The following CTNNA2 variants were observed in gnomAD, a reference collection of about 807,000 sequenced individuals.
CTNNA2 encodes the protein catenin alpha 2.
CTNNA2 carries 42 observed loss-of-function variants against 101.0 expected under a neutral mutation model. That is an observed-to-expected ratio of 0.42 (90% confidence interval 0.32 to 0.54). The LOEUF (loss-of-function observed/expected upper bound fraction) is 0.54, where lower values mean the gene tolerates loss of function less well. Among genes scored for constraint, CTNNA2 ranks in the 20% least tolerant of loss-of-function variants. The pLI, the probability that CTNNA2 is intolerant of heterozygous loss-of-function variation, is 0.14. For synonymous variants in CTNNA2, 450 were observed against 456.4 expected, an observed-to-expected ratio of 0.99 and a Z score of 0.18; for missense variants, 871 against 1,223.1, an observed-to-expected ratio of 0.71 and a Z score of 4.29.
intron 7 of CTNNA2, among the ~76,000 whole-genome samples, chr2:80,112,905 T>G (rs1701304686): frequency 6.6e-6 from 1 of 152,188 alleles, no homozygotes; most frequent in South Asian, 2.1e-4. Flanking sequence ...GCCTCAGTAC[T>G]CCACCCATTA....
At chr2:80,389,636 C>T (rs1163373642) in intron 7 of CTNNA2, among the ~76,000 whole-genome samples, 1 of 152,164 alleles carries the variant, frequency 6.6e-6, no homozygotes, top group Non-Finnish European at 1.5e-5. Context: ...TTCCAAGTTC[C>T]CATTTGCTGT....
At chr2:79,723,774 A>G (rs1294564946) in intron 2 of CTNNA2, among the ~76,000 whole-genome samples, 1 of 151,878 alleles carries the variant, frequency 6.6e-6, no homozygotes. Flanking sequence ...TAATGGTTCG[A>G]TTTTTAGAAC....
chr2:80,555,950 C>T (rs549682687), intron 12 of CTNNA2, 57 bp downstream of exon 12: 2 of 1,158,094 alleles, frequency 1.7e-6, no homozygotes, highest in African/African-American at 1.6e-5. Context: ...GTTTCTATAA[C>T]TGAATAAATC....
chr2:79,464,432 C>G (rs1670912062), intron 4 of CTNNA2, among the ~76,000 whole-genome samples: 1 of 152,116 alleles, frequency 6.6e-6, no homozygotes, highest in Non-Finnish European at 1.5e-5. Context: ...TGAATAGTGC[C>G]ACACTAAACA....
intron 6 of CTNNA2, among the ~76,000 whole-genome samples, chr2:79,899,722 C>G (rs1379099829): frequency 6.6e-6 from 1 of 152,176 alleles, no homozygotes; most frequent in Non-Finnish European, 1.5e-5. Flanking sequence ...TTATTTTTAA[C>G]TATATGCCTG....
At chr2:80,131,615 G>A (rs1006425493) in intron 7 of CTNNA2, among the ~76,000 whole-genome samples, 14 of 152,140 alleles carry the variant, frequency 9.2e-5, no homozygotes, top group Non-Finnish European at 1.8e-4. Context: ...AAATCAGGTA[G>A]GGGGTAGAAT....
chr2:80,621,389 A>T (rs1332972588), intron 18 of CTNNA2, among the ~76,000 whole-genome samples: 1 of 151,958 alleles, frequency 6.6e-6, no homozygotes, highest in Non-Finnish European at 1.5e-5. Flanking sequence ...TGCCTACCTG[A>T]TATACTGCTA....
At chr2:79,239,828 G>A (rs568498069) in intron 2 of CTNNA2, among the ~76,000 whole-genome samples, 13 of 152,242 alleles carry the variant, frequency 8.5e-5, no homozygotes, top group African/African-American at 2.9e-4. Flanking sequence ...CGGAATATAC[G>A]AGGAACGTAA....
At chr2:80,413,827 AT>A (rs1679798264) in intron 8 of CTNNA2, among the ~76,000 whole-genome samples, 2 of 152,194 alleles carry the variant, frequency 1.3e-5, no homozygotes, top group African/African-American at 4.8e-5. Flanking sequence ...AAGGCTTCAG[AT>A]TTTTTGAGCC....
At chr2:79,304,653 A>G (rs562528232) in intron 2 of CTNNA2, among the ~76,000 whole-genome samples, 10 of 152,206 alleles carry the variant, frequency 6.6e-5, no homozygotes, top group Non-Finnish European at 1.2e-4. Flanking sequence ...ACATGGCACT[A>G]TTGTAAGAAC....
intron 7 of CTNNA2, among the ~76,000 whole-genome samples, chr2:80,365,470 T>C (rs1404866933): frequency 6.6e-6 from 1 of 152,078 alleles, no homozygotes. Context: ...TTTTTAAAAA[T>C]GTACTCATCA....
chr2:79,320,497 TA>T (rs1319946433), intron 3 of CTNNA2, among the ~76,000 whole-genome samples: 1 of 151,906 alleles, frequency 6.6e-6, no homozygotes, highest in Non-Finnish European at 1.5e-5. Context: ...GATGTTGCTC[TA>T]AAAAAAATTC....
chr2:80,070,870 A>G (rs1158472505), intron 7 of CTNNA2, among the ~76,000 whole-genome samples: 1 of 152,110 alleles, frequency 6.6e-6, no homozygotes, highest in Non-Finnish European at 1.5e-5. Context: ...ATATAACTCC[A>G]GTCTCTGCCC....
chr2:79,756,165 A>G (rs1289008011), intron 3 of CTNNA2, among the ~76,000 whole-genome samples: 1 of 152,144 alleles, frequency 6.6e-6, no homozygotes, highest in Non-Finnish European at 1.5e-5. Flanking sequence ...TCTTTCTGGA[A>G]CCCTTGGCTT....
At chr2:79,663,631 C>G (rs1002659175) in intron 2 of CTNNA2, among the ~76,000 whole-genome samples, 2 of 152,036 alleles carry the variant, frequency 1.3e-5, no homozygotes, top group African/African-American at 4.8e-5. Flanking sequence ...CTTTTCTGAC[C>G]ACTCTTTTTT....
At chr2:79,664,729 T>C (rs1455277203) in intron 2 of CTNNA2, among the ~76,000 whole-genome samples, 1 of 119,418 alleles carries the variant, frequency 8.4e-6, no homozygotes, top group Non-Finnish European at 1.7e-5. Context: ...TTTTTTTTTT[T>C]TTGAGACGGA....
intron 2 of CTNNA2, among the ~76,000 whole-genome samples, chr2:79,276,341 C>T (rs1030950755): frequency 6.6e-6 from 1 of 152,028 alleles, no homozygotes; most frequent in Non-Finnish European, 1.5e-5. Context: ...AAATATCCTC[C>T]TAATGTTATG....
chr2:79,642,913 G>C (rs533770494), intron 1 of CTNNA2, among the ~76,000 whole-genome samples: 1 of 152,062 alleles, frequency 6.6e-6, no homozygotes, highest in South Asian at 2.1e-4. Flanking sequence ...AAATTAACAG[G>C]CCGGGCACGG....
At chr2:79,481,994 A>T (rs1671114654) in intron 4 of CTNNA2, among the ~76,000 whole-genome samples, 1 of 152,208 alleles carries the variant, frequency 6.6e-6, no homozygotes, top group Non-Finnish European at 1.5e-5. Context: ...ACCCAAAGTG[A>T]AAATGATACT....
Sources: allele counts gnomAD v4.1 joint callset (sites outside exome capture counted in the v4.1 genomes callset), GRCh38; gene constraint gnomAD v4.1.1; transcripts MANE v1.5; gene names NCBI Gene and HGNC (gene_info 2026-07-23, HGNC 2026-07-21).